The following CEP128 variants were observed in gnomAD, a reference collection of about 807,000 sequenced individuals.
The protein encoded by CEP128 is centrosomal protein 128, also known as centrosomal protein 128kDa.
In CEP128, 132 loss-of-function variants were observed where a neutral mutation model predicts 156.7. The ratio of observed to expected loss-of-function variants is 0.84; its 90% CI spans 0.73 to 0.97. CEP128 has a LOEUF of 0.97. Ranked by LOEUF, CEP128 falls within the 50% of genes least tolerant of loss-of-function variation. CEP128 has a pLI of 0.00. For missense variants in CEP128, 1,252 were observed against 1,281.9 expected (o/e 0.98, Z 0.36); for synonymous variants, 469 against 448.9 (o/e 1.04, Z -0.57).
At chr14:80,665,874 C>G (rs1895591375) in intron 19 of CEP128, among the ~76,000 whole-genome samples, 1 of 151,610 alleles carries the variant, frequency 6.6e-6, no homozygotes, top group African/African-American at 2.4e-5. Context: ...GCACTAGAAA[C>G]CAGAAAGGAT....
rs114517341 is a variant in CEP128, at chr14:80,818,055, G to A, written c.1209+13088C>T. ...ACTAGAAATGACTCAGATATGTAAA[G>A]GTAAGAACAGGCTAAGTGCAGTGGT... On this transcript the variant is annotated intron_variant, in intron 13 of 24. Coordinates refer to ENST00000555265, the MANE Select transcript of CEP128 (RefSeq NM_152446.5). Among the ~76,000 whole-genome samples the A allele has an allele frequency of 6.0e-3, 906 of 152,176 alleles. 8 individuals are homozygous for A. The highest frequency in any genetic ancestry group is 0.021 in the African/African-American group (870 of 41,506).
rs375567704 is a variant in CEP128, at chr14:80,730,397, T to C, written c.2806+12678A>G. ...TTAGTTAACTTATATTGGGTCATTC[T>C]ATACTCAGAATGGAAGAGGGTAAAG... is the stretch of plus-strand genomic sequence containing the variant. On this transcript the variant is annotated intron_variant, in intron 19 of 24. Transcript: ENST00000555265. 3.3e-5 allele frequency among the ~76,000 whole-genome samples: 5 copies of C among 152,312 alleles called. No homozygotes were observed. The South Asian group carries it at 1.0e-3, about 32-fold the overall frequency.
At chr14:80,791,388 A>G (rs1219549560) in intron 14 of CEP128, among the ~76,000 whole-genome samples, 1 of 152,192 alleles carries the variant, frequency 6.6e-6, no homozygotes, top group East Asian at 1.9e-4. Context: ...TTGTTAAACA[A>G]TTTTTAATAT....
chr14:80,532,632 T>G (rs1394839045), intron 21 of CEP128, among the ~76,000 whole-genome samples: 2 of 152,168 alleles, frequency 1.3e-5, no homozygotes, highest in Non-Finnish European at 2.9e-5. Context: ...CTGTGCTAAT[T>G]ACTCCAATGC....
At chr14:80,514,083 G>C (rs751975371) in intron 23 of CEP128, among the ~76,000 whole-genome samples, 33 of 152,100 alleles carry the variant, frequency 2.2e-4, no homozygotes, top group Non-Finnish European at 3.1e-4. Flanking sequence ...CCTTTCTATT[G>C]ATCCCAAGTC....
Position 80,528,525 on chromosome 14 carries a change from T to C in CEP128, c.2959-1543A>G, listed in dbSNP as rs140872199. ...CTGGTCTTGAACTCCTGACCTCAGG[T>C]TGTCAGCCCACCTCAGCCTCCCAAA... On this transcript the variant is annotated intron_variant, in intron 22 of 24. Transcript: ENST00000555265. Among the ~76,000 whole-genome samples, 8 of 152,314 alleles carry C rather than the reference T, an allele frequency of 5.3e-5. No individual in the cohort carries two copies. In the East Asian group the frequency reaches 9.7e-4, roughly 18 times the overall value.
At chr14:80,874,804 G>A (rs2139279598) in intron 8 of CEP128, among the ~76,000 whole-genome samples, 1 of 152,174 alleles carries the variant, frequency 6.6e-6, no homozygotes, top group Admixed American at 6.5e-5. Flanking sequence ...ATTTTTAGTA[G>A]AGACGGGGTT....
chr14:80,580,457 C>A, intron 19 of CEP128, 34 bp from the exon 20 acceptor site: 1 of 1,332,848 alleles, frequency 7.5e-7, no homozygotes, highest in African/African-American at 1.5e-5. Flanking sequence ...CATCAAAATA[C>A]AATGTAAAAA....
At chr14:80,621,710 T>G (rs1225014068) in intron 19 of CEP128, among the ~76,000 whole-genome samples, 1 of 152,208 alleles carries the variant, frequency 6.6e-6, no homozygotes, top group Admixed American at 6.5e-5. Flanking sequence ...AGCTATGATA[T>G]ATTTTTGTCT....
intron 19 of CEP128, among the ~76,000 whole-genome samples, chr14:80,736,164 A>T (rs936579): frequency 3.3e-5 from 5 of 151,642 alleles, no homozygotes; most frequent in Admixed American, 2.6e-4. Context: ...AGCAGAAACG[A>T]CCTCCCAGAA....
chr14:80,895,159 T>G (rs1328576717), intron 8 of CEP128, among the ~76,000 whole-genome samples: 1 of 152,056 alleles, frequency 6.6e-6, no homozygotes, highest in Non-Finnish European at 1.5e-5. Flanking sequence ...AGTGATTTAA[T>G]AAAAATAAAT....
chr14:80,553,699 G>A (rs1293575183), intron 21 of CEP128, among the ~76,000 whole-genome samples: 1 of 151,934 alleles, frequency 6.6e-6, no homozygotes, highest in Non-Finnish European at 1.5e-5. Flanking sequence ...TGTTACTTTT[G>A]CATGGGTATA....
At chr14:80,690,962 C>A (rs1896702225) in intron 19 of CEP128, among the ~76,000 whole-genome samples, 2 of 152,096 alleles carry the variant, frequency 1.3e-5, no homozygotes, top group Non-Finnish European at 2.9e-5. Flanking sequence ...TTAATAATAT[C>A]TCTGATAAAA....
chr14:80,488,515 A>T (rs1015856015), downstream of CEP128, among the ~76,000 whole-genome samples: 4 of 151,292 alleles, frequency 2.6e-5, no homozygotes, highest in African/African-American at 9.7e-5. Flanking sequence ...GAGAAATAGG[A>T]ACACTTTTAC....
At chr14:80,790,688 TAAAAAGCAGG>T (rs1437048444) in intron 14 of CEP128, among the ~76,000 whole-genome samples, 2 of 152,012 alleles carry the variant, frequency 1.3e-5, no homozygotes, top group African/African-American at 4.8e-5. Flanking sequence ...TCCAGAAATG[TAAAAAGCAGG>T]AAAAAAGAAA....
intron 9 of CEP128, among the ~76,000 whole-genome samples, chr14:80,845,943 C>A (rs1595489643): frequency 6.6e-6 from 1 of 152,036 alleles, no homozygotes; most frequent in African/African-American, 2.4e-5. Flanking sequence ...AGAAATTGAA[C>A]AAATCCTGCA....
chr14:80,664,573 A>G (rs1451228403), intron 19 of CEP128, among the ~76,000 whole-genome samples: 1 of 152,186 alleles, frequency 6.6e-6, no homozygotes, highest in African/African-American at 2.4e-5. Context: ...TAAGAGGTTG[A>G]CATTATTTAT....
At chr14:80,591,344 G>A (rs531501537) in intron 19 of CEP128, among the ~76,000 whole-genome samples, 179 of 151,826 alleles carry the variant, frequency 1.2e-3, no homozygotes, top group African/African-American at 4.3e-3. Context: ...AAAAAAAAAA[G>A]CAGGGGTTGC....
intron 19 of CEP128, among the ~76,000 whole-genome samples, chr14:80,696,527 T>G (rs915339985): frequency 6.6e-6 from 1 of 151,714 alleles, no homozygotes; most frequent in Admixed American, 6.6e-5. Context: ...ATAAAGGAGG[T>G]TGGAAAATGT....
Sources: allele counts gnomAD v4.1 joint callset (sites outside exome capture counted in the v4.1 genomes callset), GRCh38; gene constraint gnomAD v4.1.1; transcripts MANE v1.5; gene names NCBI Gene and HGNC (gene_info 2026-07-23, HGNC 2026-07-21).